Variants in PCMT1 observed in about 807,000 individuals in gnomAD.
PCMT1 encodes protein-L-isoaspartate (D-aspartate) O-methyltransferase.
PCMT1 carries 9 observed loss-of-function variants against 29.2 expected under a neutral mutation model. The observed-to-expected ratio is 0.31, with a 90% confidence interval of 0.19 to 0.54. The LOEUF (loss-of-function observed/expected upper bound fraction) is 0.54. Among genes scored for constraint, PCMT1 ranks in the 20% least tolerant of loss-of-function variants. The pLI, the probability that PCMT1 is intolerant of heterozygous loss-of-function variation, is 0.95. For synonymous variants in PCMT1, 98 were observed against 97.5 expected (o/e 1.00, Z -0.03); for missense variants, 184 against 282.2 (o/e 0.65, Z 2.49).
chr6:149,774,303 G>A (rs1359027760), intron 3 of PCMT1, among the ~76,000 whole-genome samples: 3 of 148,642 alleles, frequency 2.0e-5, no homozygotes, highest in African/African-American at 5.0e-5. Context: ...GCAGTGGCGC[G>A]ATCTTGGCTT....
At chr6:149,756,792 T>A (rs1786528612) in intron 1 of PCMT1, among the ~76,000 whole-genome samples, 1 of 151,652 alleles carries the variant, frequency 6.6e-6, no homozygotes, top group Admixed American at 6.6e-5. Flanking sequence ...TTCAAACCAG[T>A]CTTATGGATA....
intron 4 of PCMT1, among the ~76,000 whole-genome samples, chr6:149,790,516 CT>C (rs80356200): frequency 7.9e-4 from 109 of 137,194 alleles, no homozygotes; most frequent in Non-Finnish European, 1.0e-3. Context: ...GTTTTCTTTT[CT>C]TTTTTTTTTT....
chr6:149,771,957 T>C, intron 2 of PCMT1: 1 of 456,414 alleles, frequency 2.2e-6, no homozygotes, highest in South Asian at 1.5e-5. Context: ...GTGCTTAAGT[T>C]ATTAATGACT....
intron 3 of PCMT1, among the ~76,000 whole-genome samples, chr6:149,782,780 A>G (rs1787866762): frequency 6.6e-6 from 1 of 152,024 alleles, no homozygotes; most frequent in Non-Finnish European, 1.5e-5. Context: ...AGAGCAAGAC[A>G]GGGAAAAAAG....
intron 1 of PCMT1, among the ~76,000 whole-genome samples, chr6:149,760,734 C>G (rs1488968404): frequency 2.0e-5 from 3 of 152,116 alleles, no homozygotes; most frequent in African/African-American, 7.2e-5. Context: ...TGCCTATAGT[C>G]CCAGCTACTT....
intron 1 of PCMT1, among the ~76,000 whole-genome samples, chr6:149,754,280 G>T (rs116894987): frequency 7.1e-4 from 108 of 152,170 alleles, no homozygotes; most frequent in African/African-American, 2.1e-3. Context: ...GACAGCACAG[G>T]TCTCTAGAAA....
At chr6:149,795,502 T>C in intron 5 of PCMT1, 1 of 421,970 alleles carries the variant, frequency 2.4e-6, no homozygotes, top group Non-Finnish European at 4.5e-6. Flanking sequence ...CATCCGTTTC[T>C]ACTGCACAGC....
intron 4 of PCMT1, among the ~76,000 whole-genome samples, chr6:149,791,227 C>T (rs1672500376): frequency 6.6e-6 from 1 of 152,200 alleles, no homozygotes; most frequent in African/African-American, 2.4e-5. Flanking sequence ...GCACCCTCTC[C>T]ACTGTCCCTG....
chr6:149,804,710 C>T (rs2115345704), intron 7 of PCMT1, among the ~76,000 whole-genome samples: 1 of 152,136 alleles, frequency 6.6e-6, no homozygotes, highest in South Asian at 2.1e-4. Flanking sequence ...CCATGTTGGC[C>T]AGGCTGGTCT....
intron 3 of PCMT1, among the ~76,000 whole-genome samples, chr6:149,785,881 G>A (rs879521140): frequency 0.021 from 2,491 of 120,140 alleles, no homozygotes; most frequent in Admixed American, 0.034. Flanking sequence ...ATTCCACAAA[G>A]CCGCCATTGT....
At chr6:149,758,589 C>T (rs1433319572) in intron 1 of PCMT1, among the ~76,000 whole-genome samples, 2 of 151,986 alleles carry the variant, frequency 1.3e-5, no homozygotes, top group Non-Finnish European at 2.9e-5. Flanking sequence ...TAGCCAGCTA[C>T]AGAAGTTTAA....
intron 1 of PCMT1, among the ~76,000 whole-genome samples, chr6:149,763,615 T>A (rs528097508): frequency 6.6e-6 from 1 of 152,250 alleles, no homozygotes; most frequent in African/African-American, 2.4e-5. Flanking sequence ...AGAAGTATAT[T>A]ATCGAGCTTG....
At chr6:149,772,113 G>A in intron 2 of PCMT1, 1 of 456,724 alleles carries the variant, frequency 2.2e-6, no homozygotes. Flanking sequence ...TCAGGATTCT[G>A]TCAGTCGGCT....
intron 7 of PCMT1, chr6:149,810,064 T>C (rs1330717204): frequency 6.5e-6 from 1 of 152,972 alleles, no homozygotes; most frequent in Non-Finnish European, 1.5e-5. Context: ...GTGCTGCACC[T>C]GGCTGAGTGA....
At chr6:149,750,025 C>T in intron 1 of PCMT1, 69 bp downstream of exon 1, 1 of 1,510,448 alleles carries the variant, frequency 6.6e-7, no homozygotes, top group Non-Finnish European at 8.9e-7. Flanking sequence ...CCCCCTGGGC[C>T]GTCCGGAACG....
rs1214377290 is a variant in PCMT1, at chr6:149,807,094, G to A, written c.*38-3522G>A. ...GAATTAGTGGACATGTGGAATTCTA[G>A]TACCAAGTAAAGATCCAAACTTGAA... On this transcript the variant is annotated intron_variant, in intron 7 of 7. Coordinates refer to ENST00000464889, the MANE Select transcript of PCMT1 (RefSeq NM_001360452.2). Among the ~76,000 whole-genome samples, 6 of 152,110 alleles carry A rather than the reference G, an allele frequency of 3.9e-5. No homozygotes were observed. In the East Asian group the frequency reaches 9.6e-4, roughly 24 times the overall value.
intron 1 of PCMT1, among the ~76,000 whole-genome samples, chr6:149,766,467 A>C (rs1787089509): frequency 1.3e-5 from 2 of 152,244 alleles, no homozygotes; most frequent in South Asian, 2.1e-4. Context: ...AATTTGAAAA[A>C]TGTGACAAAC....
Position 149,756,512 on chromosome 6 carries a change from C to CTAT in PCMT1, c.55+6557_55+6558insATT, listed in dbSNP as rs1407016123. ...TACAGATGCACACCACCATGACTGG[C>CTAT]TTTTTTTTTTTTTTTTTTTTTTTTT... On this transcript the variant is annotated intron_variant, in intron 1 of 7. Transcript: ENST00000464889. 7.2e-4 allele frequency among the ~76,000 whole-genome samples: 54 copies of CTAT among 74,724 alleles called. 15 individuals carry two copies. Among genetic ancestry groups the CTAT allele is most frequent in the African/African-American group, 2.9e-3 (54 of 18,634 alleles). 49.0% of individuals were successfully genotyped at this position (74,724 alleles called of 152,430 possible).
chr6:149,757,274 T>C (rs1786546218), intron 1 of PCMT1, among the ~76,000 whole-genome samples: 1 of 152,212 alleles, frequency 6.6e-6, no homozygotes, highest in African/African-American at 2.4e-5. Flanking sequence ...AGATAGAGAA[T>C]AGATCTGCCA....
Sources: allele counts gnomAD v4.1 joint callset (sites outside exome capture counted in the v4.1 genomes callset), GRCh38; gene constraint gnomAD v4.1.1; transcripts MANE v1.5; gene names NCBI Gene and HGNC (gene_info 2026-07-23, HGNC 2026-07-21).